The following NCKAP5 variants were observed in gnomAD, a reference collection of about 807,000 sequenced individuals.
NCKAP5 encodes the protein NCK associated protein 5.
NCKAP5 carries 92 observed loss-of-function variants against 167.0 expected under a neutral mutation model. The observed-to-expected ratio is 0.55, with a 90% CI of 0.47 to 0.66. The LOEUF (loss-of-function observed/expected upper bound fraction) is 0.66. Ranked by LOEUF, NCKAP5 falls within the 30% of genes least tolerant of loss-of-function variation. The pLI is 0.00. For synonymous variants in NCKAP5, 891 were observed against 877.4 expected (o/e 1.02, Z -0.27); for missense variants, 2,378 against 2,315.0 (o/e 1.03, Z -0.56).
At position 133,281,585 on chromosome 2, in the gene NCKAP5, C is replaced by T. The variant is rs142331245; in HGVS notation, c.143+21452G>A. On this transcript the variant is annotated intron_variant, in intron 4 of 19. Coordinates refer to ENST00000409261, the MANE Select transcript of NCKAP5 (RefSeq NM_207363.3). ...TAATGAAAGCTGAAATTGATACCTA[C>T]GGAATTGAAAAATGTTAGCACCATC... 4.0e-4 allele frequency among the ~76,000 whole-genome samples: 61 copies of T among 152,216 alleles called. 1 individual carries two copies. Among genetic ancestry groups the T allele is most frequent in the African/African-American group, 1.0e-3 (43 of 41,538 alleles).
At position 133,020,940 on chromosome 2, in the gene NCKAP5, C is replaced by T. The variant is rs114796559; in HGVS notation, c.342-26701G>A. ...AAGGTGTCAGGGAAATGCCTCCAGG[C>T]ACCAGGACGGACAATGTCAGCAGTT... is the stretch of plus-strand genomic sequence containing the variant. On this transcript the variant is annotated intron_variant, in intron 6 of 19. Coordinates refer to ENST00000409261, the MANE Select transcript of NCKAP5 (RefSeq NM_207363.3). 8.6e-3 allele frequency among the ~76,000 whole-genome samples: 1,305 copies of T among 152,264 alleles called. 18 individuals are homozygous for T. The highest frequency in any genetic ancestry group is 0.03 in the African/African-American group (1,258 of 41,554).
Position 132,725,680 on chromosome 2 carries a change from C to A in NCKAP5, c.5660G>T (p.Gly1887Val). The A allele has an allele frequency of 6.2e-7, 1 of 1,613,172 alleles. No homozygotes were observed. Among genetic ancestry groups the A allele is most frequent in the Non-Finnish European group, 8.5e-7 (1 of 1,179,626 alleles). ...TAACTGTCCCCTTCCAGCTCCAAAA[C>A]CATTATCTCCATAGTCCAGGTCACT... ...SDSDLDYGDN[G>V]FGAGRGQLVK... The change falls in exon 19 of 20, where the codon GGT becomes GTT. Residue 1887 changes from glycine to valine, a missense_variant. Transcript: ENST00000409261.
the NCKAP5 span, among the ~76,000 whole-genome samples, chr2:133,648,849 TAA>T: frequency 3.7e-5 from 5 of 136,808 alleles, no homozygotes; most frequent in African/African-American, 8.0e-5. Flanking sequence ...CTAAGGGAAT[TAA>T]AAAAAAAAAA....
intron 3 of NCKAP5, among the ~76,000 whole-genome samples, chr2:133,359,116 A>G (rs1182057716): frequency 6.6e-6 from 1 of 152,224 alleles, no homozygotes; most frequent in Non-Finnish European, 1.5e-5. Context: ...AAGATTTATG[A>G]AAGAAACATT....
intron 2 of NCKAP5, among the ~76,000 whole-genome samples, chr2:133,534,129 G>T (rs1251183903): frequency 6.6e-6 from 1 of 152,208 alleles, no homozygotes. Context: ...AAAATATAAG[G>T]TGTGTATTTT....
intron 8 of NCKAP5, among the ~76,000 whole-genome samples, chr2:132,894,708 TGAGCTCTGGCC>T (rs1693001611): frequency 6.6e-6 from 1 of 152,214 alleles, no homozygotes; most frequent in African/African-American, 2.4e-5. Context: ...TCATCAGGCA[TGAGCTCTGGCC>T]TTCCCACTCA....
intron 5 of NCKAP5, among the ~76,000 whole-genome samples, chr2:133,196,347 G>A (rs528458099): frequency 1.3e-5 from 2 of 152,182 alleles, no homozygotes; most frequent in Non-Finnish European, 2.9e-5. Context: ...CTGGGGATGG[G>A]TCAGGGAGAG....
rs552818245 is a variant in NCKAP5, at chr2:133,314,200, A to G, written c.70-11090T>C. Among the ~76,000 whole-genome samples, 139 of 152,306 alleles carry G rather than the reference A, an allele frequency of 9.1e-4. 1 individual carries two copies. Among genetic ancestry groups the G allele is most frequent in the Non-Finnish European group, 2.8e-4 (19 of 68,022 alleles). On this transcript the variant is annotated intron_variant, in intron 3 of 19. Coordinates refer to ENST00000409261, the MANE Select transcript of NCKAP5 (RefSeq NM_207363.3). ...CTTTTTCTGAACAGGCCAAGTTATA[A>G]GTTCTTTGCAGTCTCAGCACCTAGC...
the NCKAP5 span, among the ~76,000 whole-genome samples, chr2:133,672,015 A>C: frequency 2.0e-5 from 3 of 152,370 alleles, no homozygotes; most frequent in East Asian, 5.8e-4. Context: ...ATAAACAAAT[A>C]AATAAACACG....
chr2:133,113,496 C>G (rs1448332407), intron 6 of NCKAP5, among the ~76,000 whole-genome samples: 1 of 152,190 alleles, frequency 6.6e-6, no homozygotes, highest in Non-Finnish European at 1.5e-5. Flanking sequence ...CACAAAATGC[C>G]AAGCTCCAGG....
intron 16 of NCKAP5, among the ~76,000 whole-genome samples, chr2:132,772,522 C>T (rs187606909): frequency 8.9e-4 from 135 of 152,248 alleles, no homozygotes; most frequent in Admixed American, 1.2e-3. Context: ...AAGAACACCT[C>T]GTTATAGAAA....
At chr2:132,689,989 ACT>A (rs1686514169) in intron 19 of NCKAP5, among the ~76,000 whole-genome samples, 1 of 151,672 alleles carries the variant, frequency 6.6e-6, no homozygotes, top group African/African-American at 2.4e-5. Flanking sequence ...GTCACCTTTG[ACT>A]CTTCTCTTTG....
At chr2:132,893,187 C>T (rs538774556) in intron 8 of NCKAP5, among the ~76,000 whole-genome samples, 149 of 152,296 alleles carry the variant, frequency 9.8e-4, no homozygotes, top group Admixed American at 1.8e-3. Flanking sequence ...GAAGAACAGG[C>T]ACACTCATGT....
At chr2:133,507,872 A>T (rs1250443288) in intron 3 of NCKAP5, among the ~76,000 whole-genome samples, 3 of 152,176 alleles carry the variant, frequency 2.0e-5, no homozygotes, top group Non-Finnish European at 2.9e-5. Context: ...CATGAACCCT[A>T]TGGATGTCTA....
chr2:132,789,974 A>G (rs1379764796), intron 13 of NCKAP5, 49 bp downstream of exon 13: 1 of 1,536,492 alleles, frequency 6.5e-7, no homozygotes, highest in Admixed American at 1.9e-5. Context: ...ACCAAATCCT[A>G]CCAGAAGAGG....
chr2:133,088,926 G>A (rs2149625018), intron 6 of NCKAP5, among the ~76,000 whole-genome samples: 1 of 152,268 alleles, frequency 6.6e-6, no homozygotes, highest in African/African-American at 2.4e-5. Flanking sequence ...AACACAAGTA[G>A]AAGCTGACAC....
chr2:133,315,125 A>G (rs1271404068), intron 3 of NCKAP5, among the ~76,000 whole-genome samples: 4 of 152,146 alleles, frequency 2.6e-5, no homozygotes, highest in African/African-American at 9.7e-5. Flanking sequence ...TTGAGGAGTC[A>G]AATGGTATCA....
chr2:132,813,543 C>G (rs527311524), intron 11 of NCKAP5, among the ~76,000 whole-genome samples: 1 of 152,090 alleles, frequency 6.6e-6, no homozygotes, highest in Non-Finnish European at 1.5e-5. Context: ...ATGCTGCATG[C>G]TAGAAAAGAG....
Position 132,783,046 on chromosome 2 carries a change from A to G in NCKAP5, c.3765T>C (p.Leu1255=). 1 of 1,613,812 alleles carries G rather than the reference A, an allele frequency of 6.2e-7. No individual in the cohort carries two copies. The highest frequency in any genetic ancestry group is 8.5e-7 in the Non-Finnish European group (1 of 1,179,834). Residue 1255 remains leucine (L), a synonymous_variant, in exon 14 of 20, where the codon CTT becomes CTC. Coordinates refer to ENST00000409261, the MANE Select transcript of NCKAP5 (RefSeq NM_207363.3). ...GTTTTAGGTGTGGTTTGCTGGAGGA[A>G]AGGGATCTTCTCATGGATCTATTAT... is the stretch of plus-strand genomic sequence containing the variant. The part of the protein sequence containing the change: ...GVDNRSMRRS[L]SSSKPHLKPA...
Sources: gnomAD v4.1 joint callset for allele counts (sites outside exome capture counted in the v4.1 genomes callset) on GRCh38, gnomAD v4.1.1 for gene constraint, MANE v1.5 for transcripts, NCBI Gene and HGNC (gene_info 2026-07-23, HGNC 2026-07-21) for gene names.